Variants in MIB2 observed in about 807,000 individuals in gnomAD.
MIB2 encodes MIB E3 ubiquitin protein ligase 2.
In MIB2, 78 loss-of-function variants were observed where a neutral mutation model predicts 96.6. That is an observed-to-expected ratio of 0.81 (90% CI 0.67 to 0.97). MIB2 has a LOEUF of 0.97. Ranked by LOEUF, MIB2 falls within the 50% of genes least tolerant of loss-of-function variation. The pLI, the probability that MIB2 is intolerant of heterozygous loss-of-function variation, is 0.00. For missense variants in MIB2, 1,543 were observed against 1,424.0 expected (o/e 1.08, Z -1.35); for synonymous variants, 820 against 629.5 (o/e 1.30, Z -4.53).
chr1:1,623,280 C>T (rs1302950804), intron 2 of MIB2, 151 bp from the exon 3 acceptor site: 1 of 1,340,384 alleles, frequency 7.5e-7, no homozygotes, highest in Non-Finnish European at 9.9e-7. Context: ...TCCTTGGGCC[C>T]TAGGGCTTGA....
In MIB2 at chr1:1,624,856, G is replaced by T. The variant is rs1644587486; in HGVS notation, c.481G>T (p.Ala161Ser). Reference protein sequence around the residue: ...RIPLRGIFQGAKVVRGPDWEW... With the variant: ...RIPLRGIFQGSKVVRGPDWEW... The stretch of plus-strand genomic sequence containing the variant: ...CCCACTAAGGGGCATCTTCCAGGGA[G>T]CGAAGGTGGTGCGAGGCCCCGACTG... Residue 161 changes from alanine to serine, a missense_variant, in exon 5 of 20, where the codon GCG becomes TCG. By Grantham distance (99) the Ala-to-Ser change is moderately conservative. Coordinates refer to ENST00000355826, the MANE Select transcript of MIB2 (RefSeq NM_001170687.4). 3.7e-6 allele frequency: 6 copies of T among 1,613,172 alleles called. No individual in the cohort carries two copies. The East Asian group carries it at 8.9e-5, about 24-fold the overall frequency.
At chr1:1,627,936 C>T in intron 13 of MIB2, 83 bp from the exon 14 acceptor site, 2 of 1,603,530 alleles carry the variant, frequency 1.2e-6, no homozygotes, top group Non-Finnish European at 1.7e-6. Flanking sequence ...TGCCCCCTGC[C>T]CGTGAGTGCT....
chr1:1,627,187 C>A lies in MIB2; in HGVS notation c.1354C>A (p.Leu452Met). The A allele has an allele frequency of 6.3e-7, 1 of 1,596,772 alleles. No homozygotes were observed. Among genetic ancestry groups the A allele is most frequent in the Non-Finnish European group, 8.5e-7 (1 of 1,172,234 alleles). ...TAACGCAGCCCGGGCTCTGGACCTG[C>A]TGCGGAGGCGCCCAGAGCAGGCAAG... ...LGNAARALDL[L>M]RRRPEQVDTK... The change falls in exon 11 of 20, where the codon CTG (leucine) becomes ATG (methionine). Residue 452 changes from leucine (L) to methionine (M), a missense_variant. Leu to Met is a conservative substitution (Grantham distance 15). Coordinates refer to ENST00000355826, the MANE Select transcript of MIB2 (RefSeq NM_001170687.4).
In MIB2 at chr1:1,627,460, G is replaced by C. The variant is rs1557606362; in HGVS notation, c.1523+16G>C. ...CGGCCCTGGGGTGAGGCCTGGGAGGGGCCCGGCCGGCGGGGCTGAGCCTGT... is the reference window on the plus strand; with the variant it reads ...CGGCCCTGGGGTGAGGCCTGGGAGGCGCCCGGCCGGCGGGGCTGAGCCTGT... On this transcript the variant is annotated intron_variant, in intron 12 of 19. Coordinates refer to ENST00000355826, the MANE Select transcript of MIB2 (RefSeq NM_001170687.4). 1 of 1,596,144 alleles carries C rather than the reference G, an allele frequency of 6.3e-7. No homozygotes were observed. Among genetic ancestry groups the C allele is most frequent in the Non-Finnish European group, 8.5e-7 (1 of 1,172,510 alleles).
Position 1,626,498 on chromosome 1 carries a change from A to C in MIB2, c.973-152A>C. The C allele has an allele frequency of 1.5e-6, 1 of 648,864 alleles. No individual in the cohort carries two copies. The highest frequency in any genetic ancestry group is 2.6e-6 in the Non-Finnish European group (1 of 384,122). 40.2% of individuals were successfully genotyped at this position (648,864 alleles called of 1,614,324 possible). ...GGACACCTGGGGCTCTCGTCCAGCC[A>C]GAGCCTCTGGCAGTGCCTGGGGTCG... is the stretch of plus-strand genomic sequence containing the variant. On this transcript the variant is annotated intron_variant, in intron 8 of 19. Coordinates refer to ENST00000355826, the MANE Select transcript of MIB2 (RefSeq NM_001170687.4). The surrounding 1 kb of genome is among the most constrained non-coding windows in gnomAD (Gnocchi z 5.3).
intron 12 of MIB2, 38 bp from the exon 13 acceptor site, chr1:1,627,635 G>T: frequency 6.4e-7 from 1 of 1,568,932 alleles, no homozygotes; most frequent in South Asian, 1.1e-5. Context: ...CAGCCACCGG[G>T]CCCGGCGCCC....
Position 1,623,481 on chromosome 1 carries a change from A to G in MIB2, c.29A>G (p.Gln10Arg). 1 of 1,586,484 alleles carries G rather than the reference A, an allele frequency of 6.3e-7. No homozygotes were observed. Among genetic ancestry groups the G allele is most frequent in the Non-Finnish European group, 8.6e-7 (1 of 1,168,550 alleles). The change falls in exon 3 of 20, where the codon CAG (glutamine) becomes CGG (arginine). Residue 10 changes from glutamine (Q) to arginine (R), a missense_variant. Physicochemically the swap from Gln to Arg is conservative, Grantham distance 43. Coordinates refer to ENST00000355826, the MANE Select transcript of MIB2 (RefSeq NM_001170687.4). ...GACCCAGACCCCCAGGCGGGCGTGC[A>G]GGTGGGCATGCGGGTGGTGCGCGGC... MDPDPQAGV[Q>R]VGMRVVRGVD...
chr1:1,623,480 C>T lies in MIB2; in HGVS notation c.28C>T (p.Gln10Ter). 2 of 1,586,954 alleles carry T rather than the reference C, an allele frequency of 1.3e-6. No individual in the cohort carries two copies. Among genetic ancestry groups the T allele is most frequent in the East Asian group, 2.3e-5 (1 of 43,240 alleles). The change falls in exon 3 of 20, where the codon CAG becomes TAG. Residue 10 changes from glutamine to a stop codon, truncating the protein, a stop_gained. Transcript: ENST00000355826. LOFTEE classifies it high-confidence loss of function. ...GGACCCAGACCCCCAGGCGGGCGTG[C>T]AGGTGGGCATGCGGGTGGTGCGCGG... Reference protein sequence around the residue: MDPDPQAGVQVGMRVVRGVD... With the variant: MDPDPQAGV
At chr1:1,619,396 C>T (rs534915144) in intron 2 of MIB2, among the ~76,000 whole-genome samples, 6 of 152,198 alleles carry the variant, frequency 3.9e-5, no homozygotes, top group Non-Finnish European at 7.3e-5. Flanking sequence ...AACTGCTGGC[C>T]CCTCCAGAGG....
In MIB2 at chr1:1,630,481, GC is replaced by G; in HGVS notation, c.2823del (p.Ile942SerfsTer34). 6.3e-7 allele frequency: 1 copy of G among 1,593,822 alleles called. No homozygotes were observed. Among genetic ancestry groups the G allele is most frequent in the Non-Finnish European group, 8.5e-7 (1 of 1,174,886 alleles). ...CAPCGSALSA[C>X]PICRQPIRDR... Reference sequence around the variant, plus strand: ...CCCTGCGGCTCCGCGCTCAGCGCCTGCCCCATCTGCCGCCAGCCCATCCGCG... The same window carrying G: ...CCCTGCGGCTCCGCGCTCAGCGCCTGCCCATCTGCCGCCAGCCCATCCGCG... On this transcript the variant is annotated frameshift_variant, in exon 20 of 20. Coordinates refer to ENST00000355826, the MANE Select transcript of MIB2 (RefSeq NM_001170687.4). LOFTEE classifies it high-confidence loss of function.
Position 1,628,021 on chromosome 1 carries a change from C to T in MIB2, c.1683C>T (p.Asp561=), listed in dbSNP as rs74047812. ...GACCACTGACTCCGCCCCAGCAGGACGCCCACTCGGACACGCCCCTGCACT... is the reference window on the plus strand; with the variant it reads ...GACCACTGACTCCGCCCCAGCAGGATGCCCACTCGGACACGCCCCTGCACT... The part of the protein sequence containing the change: ...CERGCDVNLP[D]AHSDTPLHSA... The change falls in exon 14 of 20, where the codon GAC becomes GAT. Residue 561 remains aspartate (D), a splice_region_variant and synonymous_variant. Transcript: ENST00000355826. The T allele has an allele frequency of 1.9e-3, 3,097 of 1,612,470 alleles. 46 individuals carry two copies. The African/African-American group carries it at 0.036, about 19-fold the overall frequency.
intron 13 of MIB2, 82 bp downstream of exon 13, chr1:1,627,911 G>C: frequency 1.3e-6 from 2 of 1,598,782 alleles, no homozygotes; most frequent in South Asian, 2.2e-5. Flanking sequence ...CATGTGTGCT[G>C]CTCCCTGGCC....
chr1:1,617,417 G>A (rs939403007), intron 2 of MIB2: 4 of 152,232 alleles, frequency 2.6e-5, no homozygotes, highest in Non-Finnish European at 4.4e-5. Context: ...CTGATGGTTC[G>A]GAAGTCCTCC....
intron 19 of MIB2, 69 bp downstream of exon 19, chr1:1,629,773 CCCCTT>C: frequency 6.9e-7 from 1 of 1,439,104 alleles, no homozygotes; most frequent in Non-Finnish European, 9.3e-7. Context: ...CCGTCCCCCA[CCCCTT>C]CCCTCCCACA....
Position 1,629,245 on chromosome 1 carries a change from G to C in MIB2, c.2315G>C (p.Ser772Thr). ...AGCTACACCAACCACCGCGGTCGGA[G>C]CCCGCTGGACCTGGCCGCCGAGGGT... Reference protein sequence around the residue: ...DVSYTNHRGRSPLDLAAEGRV... With the variant: ...DVSYTNHRGRTPLDLAAEGRV... Residue 772 changes from serine to threonine, a missense_variant, in exon 17 of 20, where the codon AGC (serine) becomes ACC (threonine). Physicochemically the swap from Ser to Thr is moderately conservative, Grantham distance 58. Coordinates refer to ENST00000355826, the MANE Select transcript of MIB2 (RefSeq NM_001170687.4). The C allele has an allele frequency of 6.5e-7, 1 of 1,546,674 alleles. No individual in the cohort carries two copies.
chr1:1,625,347 C>T lies in MIB2; in HGVS notation c.783C>T (p.Asp261=), dbSNP rs1372657554. 1 of 1,580,618 alleles carries T rather than the reference C, an allele frequency of 6.3e-7. No individual in the cohort carries two copies. Among genetic ancestry groups the T allele is most frequent in the Non-Finnish European group, 8.6e-7 (1 of 1,164,040 alleles). ...ACAGCCAGCCCTTCCAGCACGGGGA[C>T]AAGGTCAAGTGTCTGCTGGACACTG... ...SADSQPFQHG[D]KVKCLLDTDV... is the part of the protein sequence containing the mutation. The change falls in exon 7 of 20, where the codon GAC becomes GAT. Residue 261 remains aspartate (D), a synonymous_variant. Coordinates refer to ENST00000355826, the MANE Select transcript of MIB2 (RefSeq NM_001170687.4). This position sits in a 1 kb window ranked among gnomAD's most constrained non-coding sequence, Gnocchi z 5.0.
At position 1,615,531 on chromosome 1, in the gene MIB2, C is replaced by G; in HGVS notation, c.-232C>G. On this transcript the variant is annotated 5_prime_UTR_variant, in exon 1 of 20. Transcript: ENST00000355826. ...CGGGTCCCACAGTTTCCAGCCGCCG[C>G]TCTCCTCAGTGCCCGGTGGCCCAGG... 6.5e-7 allele frequency: 1 copy of G among 1,533,202 alleles called. No individual in the cohort carries two copies. The highest frequency in any genetic ancestry group is 2.0e-5 in the Admixed American group (1 of 50,840). 95.0% of individuals were successfully genotyped at this position (1,533,202 alleles called of 1,614,324 possible).
chr1:1,625,308 C>A lies in MIB2; in HGVS notation c.744C>A (p.Arg248=). The stretch of plus-strand genomic sequence containing the variant: ...CAGGCAAGCCGGCGGAGCTGCAGCG[C>A]AGGGTGAGTGCTGACAGCCAGCCCT... ...PRLGKPAELQ[R]RVSADSQPFQ... The change falls in exon 7 of 20, where the codon CGC becomes CGA. Residue 248 remains arginine (R), a synonymous_variant. Transcript: ENST00000355826. This position sits in a 1 kb window ranked among gnomAD's most constrained non-coding sequence, Gnocchi z 5.0. The A allele has an allele frequency of 6.3e-7, 1 of 1,583,782 alleles. No individual in the cohort carries two copies. The highest frequency in any genetic ancestry group is 8.6e-7 in the Non-Finnish European group (1 of 1,166,506).
chr1:1,627,248 G>A, intron 11 of MIB2, 41 bp downstream of exon 11: 1 of 1,612,742 alleles, frequency 6.2e-7, no homozygotes. Flanking sequence ...GCCAGTCTGA[G>A]AGTGAGGGGC....
Sources: allele counts gnomAD v4.1 joint callset (sites outside exome capture counted in the v4.1 genomes callset), GRCh38; gene constraint gnomAD v4.1.1; non-coding constraint Gnocchi (gnomAD v3.1); transcripts MANE v1.5; gene names NCBI Gene and HGNC (gene_info 2026-07-23, HGNC 2026-07-21).